STIL: variants seen among roughly 807,000 people sequenced by gnomAD.
The protein encoded by STIL is SCL-interrupting locus protein.
STIL carries 55 observed loss-of-function variants against 110.1 expected under a neutral mutation model. That is an observed-to-expected ratio of 0.50 (90% CI 0.40 to 0.63). The LOEUF is 0.63. STIL is among the 20% of genes least tolerant of loss of function. STIL has a pLI of 0.00. For synonymous variants in STIL, 481 were observed against 530.0 expected (o/e 0.91, Z 1.27); for missense variants, 1,358 against 1,530.0 (o/e 0.89, Z 1.87).
At chr1:47,305,872 C>T (rs1184746225) in intron 2 of STIL, among the ~76,000 whole-genome samples, 1 of 151,210 alleles carries the variant, frequency 6.6e-6, no homozygotes, top group East Asian at 2.0e-4. Flanking sequence ...GCTAGGATTA[C>T]AGGCGCCTGC....
At chr1:47,279,209 G>T (rs368713801) in intron 12 of STIL, among the ~76,000 whole-genome samples, 1 of 151,582 alleles carries the variant, frequency 6.6e-6, no homozygotes, top group African/African-American at 2.4e-5. Context: ...CGTGAACCCG[G>T]GAGGCGGAGC....
At chr1:47,296,596 G>A (rs1645647368) in intron 6 of STIL, among the ~76,000 whole-genome samples, 1 of 151,942 alleles carries the variant, frequency 6.6e-6, no homozygotes, top group South Asian at 2.1e-4. Context: ...TTGAGGTGAG[G>A]AGTTCGAGAC....
intron 14 of STIL, among the ~76,000 whole-genome samples, chr1:47,267,923 A>G (rs1460540356): frequency 6.6e-6 from 1 of 152,038 alleles, no homozygotes; most frequent in Non-Finnish European, 1.5e-5. Flanking sequence ...TTAATGGAAA[A>G]TTTCATAATG....
chr1:47,270,237 A>T (rs561074316), intron 13 of STIL, among the ~76,000 whole-genome samples: 5,690 of 103,106 alleles, frequency 0.055, 455 homozygotes, highest in African/African-American at 0.19. Flanking sequence ...CAAAAAAAAA[A>T]AAAAATATAT....
chr1:47,297,950 GTTAAT>G (rs992117942), intron 6 of STIL, among the ~76,000 whole-genome samples: 1 of 152,048 alleles, frequency 6.6e-6, no homozygotes, highest in African/African-American at 2.4e-5. Flanking sequence ...TAATTTTTTT[GTTAAT>G]TTAAACAAAA....
chr1:47,276,734 C>T (rs865937621), intron 12 of STIL, among the ~76,000 whole-genome samples: 26 of 147,464 alleles, frequency 1.8e-4, no homozygotes, highest in Middle Eastern at 3.4e-3. Context: ...GCTTCAACCC[C>T]GGGGGGCAGA....
At position 47,269,875 on chromosome 1, in the gene STIL, T is replaced by A. The variant is rs748378165; in HGVS notation, c.2384-9A>T. On this transcript the variant is annotated splice_polypyrimidine_tract_variant and intron_variant, in intron 13 of 16. Coordinates refer to ENST00000371877, the MANE Select transcript of STIL (RefSeq NM_001048166.1). ...CCAAAACAAGCTAGCACCTGGAGGT[T>A]AAATAATTTAAGATACTGAAACAAA... 1.9e-5 allele frequency: 30 copies of A among 1,605,846 alleles called. No homozygotes were observed. The highest frequency in any genetic ancestry group is 4.0e-5 in the African/African-American group (3 of 74,754).
intron 16 of STIL, among the ~76,000 whole-genome samples, chr1:47,252,501 AG>A (rs1181937615): frequency 6.6e-6 from 1 of 152,242 alleles, no homozygotes; most frequent in African/African-American, 2.4e-5. Context: ...TCTGTATATC[AG>A]TCATGGTTTT....
intron 14 of STIL, among the ~76,000 whole-genome samples, chr1:47,269,249 T>A (rs541014427): frequency 1.2e-3 from 182 of 152,226 alleles, no homozygotes; most frequent in African/African-American, 4.2e-3. Context: ...GAAATGGTTC[T>A]AGAAGGCTCA....
At chr1:47,276,436 T>C (rs1644994095) in intron 12 of STIL, among the ~76,000 whole-genome samples, 2 of 152,042 alleles carry the variant, frequency 1.3e-5, no homozygotes, top group Non-Finnish European at 2.9e-5. Flanking sequence ...ATATGAATGA[T>C]AAAGGACCAA....
chr1:47,258,283 G>A (rs940177336), intron 16 of STIL, among the ~76,000 whole-genome samples: 2 of 152,168 alleles, frequency 1.3e-5, no homozygotes, highest in Non-Finnish European at 2.9e-5. Flanking sequence ...TATTTGATGA[G>A]CAATGGTAGC....
Position 47,295,766 on chromosome 1 carries a change from T to C in STIL, c.784A>G (p.Ile262Val). 1 of 1,604,684 alleles carries C rather than the reference T, an allele frequency of 6.2e-7. No individual in the cohort carries two copies. Among genetic ancestry groups the C allele is most frequent in the South Asian group, 1.1e-5 (1 of 90,880 alleles). The change falls in exon 7 of 17, where the codon ATT (isoleucine) becomes GTT (valine). Residue 262 changes from isoleucine (I) to valine (V), a missense_variant and splice_region_variant. Ile to Val is a conservative substitution (Grantham distance 29). Transcript: ENST00000371877. The stretch of plus-strand genomic sequence containing the variant: ...TTTCATAAATAATGTAATACTTACA[T>C]TCCCACCAATGGTAGAGAATAAACC... ...PKVYSLPLVG[I>V]WLSGITHIYS...
At chr1:47,288,958 A>C (rs1015009571) in intron 9 of STIL, among the ~76,000 whole-genome samples, 59 of 145,566 alleles carry the variant, frequency 4.1e-4, no homozygotes, top group African/African-American at 1.4e-3. Flanking sequence ...GCTATTCTGG[A>C]GGTTGAGGCA....
At chr1:47,292,770 G>C (rs887226947) in intron 8 of STIL, among the ~76,000 whole-genome samples, 10 of 152,204 alleles carry the variant, frequency 6.6e-5, no homozygotes, top group African/African-American at 2.2e-4. Context: ...TAGGGAAATG[G>C]GGAGGAAGAG....
chr1:47,275,334 C>A (rs1356376470), intron 12 of STIL, among the ~76,000 whole-genome samples: 1 of 149,682 alleles, frequency 6.7e-6, no homozygotes, highest in Non-Finnish European at 1.5e-5. Context: ...TTTTGCTGGG[C>A]GCGGTGGCTC....
intron 12 of STIL, among the ~76,000 whole-genome samples, chr1:47,277,529 G>C (rs1366632113): frequency 1.3e-5 from 2 of 152,154 alleles, no homozygotes; most frequent in African/African-American, 4.8e-5. Context: ...TGAGGGGATA[G>C]TACTGGATGG....
rs1372434326 is a variant in STIL at position 47,251,553 on chromosome 1, A to C, written c.3450T>G (p.Ser1150Arg). 11 of 1,613,792 alleles carry C rather than the reference A, an allele frequency of 6.8e-6. No individual in the cohort carries two copies. The highest frequency in any genetic ancestry group is 1.3e-5 in the African/African-American group (1 of 74,844). The change falls in exon 17 of 17, where the codon AGT becomes AGG. Residue 1150 changes from serine (S) to arginine (R), a missense_variant. Ser to Arg is a moderately radical substitution (Grantham distance 110). Coordinates refer to ENST00000371877, the MANE Select transcript of STIL (RefSeq NM_001048166.1). ...TAAGGTTCTGATTCAATAAATATTC[A>C]CTCTTGCTATCTGCATTGTCGGGAG... ...EEPPDNADSK[S>R]EYLLNQNLRS...
chr1:47,305,344 C>G (rs537073925), intron 2 of STIL: 1 of 221,920 alleles, frequency 4.5e-6, no homozygotes, highest in Non-Finnish European at 8.9e-6. Flanking sequence ...AAGCTGGTCT[C>G]GAACTCCTGA....
chr1:47,263,011 C>A lies in STIL; in HGVS notation c.2721G>T (p.Gly907=). ...VSMCLQTGPT[G]GASNNSETSE... Reference sequence around the variant, plus strand: ...ATGTTTCAGAATTGTTACTGGCACCCCCTGTTGGTCCAGTCTGTAAACACA... The same window carrying A: ...ATGTTTCAGAATTGTTACTGGCACCACCTGTTGGTCCAGTCTGTAAACACA... Residue 907 remains glycine (G), a synonymous_variant, in exon 15 of 17, where the codon GGG becomes GGT. Transcript: ENST00000371877. The A allele has an allele frequency of 6.2e-7, 1 of 1,614,122 alleles. No individual in the cohort carries two copies.
Sources: allele counts gnomAD v4.1 joint callset (sites outside exome capture counted in the v4.1 genomes callset), GRCh38; gene constraint gnomAD v4.1.1; transcripts MANE v1.5; gene names NCBI Gene and HGNC (gene_info 2026-07-23, HGNC 2026-07-21).